Variants in ZFR2 observed in about 807,000 individuals in gnomAD.
ZFR2 encodes zinc finger RNA-binding protein 2.
Under a neutral mutation model 105.7 loss-of-function variants are expected in ZFR2, and 104 were observed. That is an observed-to-expected ratio of 0.98 (90% CI 0.84 to 1.16). ZFR2 has a LOEUF of 1.16. Ranked by LOEUF, ZFR2 falls within the 50% of genes most tolerant of loss-of-function variation. ZFR2 has a pLI of 0.00. For missense variants in ZFR2, 1,425 were observed against 1,355.5 expected (o/e 1.05, Z -0.80); for synonymous variants, 634 against 597.7 (o/e 1.06, Z -0.89).
At chr19:3,815,672 C>A (rs1364356754) in intron 13 of ZFR2, among the ~76,000 whole-genome samples, 3 of 152,032 alleles carry the variant, frequency 2.0e-5, no homozygotes, top group Admixed American at 6.6e-5. Flanking sequence ...AAGCCTCGAA[C>A]TCTTGGGCTC....
rs777083916 is a variant in ZFR2 at position 3,823,413 on chromosome 19, A to G, written c.1214-10T>C. On this transcript the variant is annotated splice_polypyrimidine_tract_variant and intron_variant, in intron 7 of 18. Transcript: ENST00000262961. This position sits in a 1 kb window ranked among gnomAD's most constrained non-coding sequence, Gnocchi z 5.4. Reference sequence around the variant, plus strand: ...TGTGGCTCAGGAGGCCCTGAGGGGAAAAACCATGTCACTTATACCCTGTTC... The same window carrying G: ...TGTGGCTCAGGAGGCCCTGAGGGGAGAAACCATGTCACTTATACCCTGTTC... 89 of 1,596,848 alleles carry G rather than the reference A, an allele frequency of 5.6e-5. No individual in the cohort carries two copies. Among genetic ancestry groups the G allele is most frequent in the Admixed American group, 3.5e-5 (2 of 56,970 alleles).
rs1443204062 is a variant in ZFR2 at position 3,853,208 on chromosome 19, T to C, written c.53+15757A>G. On this transcript the variant is annotated intron_variant, in intron 1 of 18. Coordinates refer to ENST00000262961, the MANE Select transcript of ZFR2 (RefSeq NM_015174.2). ...CTCTGCAGATGGTCGGCAGCCAACATTGCTGCTTCTGCCAGGTCTCAGATG... is the reference window on the plus strand; with the variant it reads ...CTCTGCAGATGGTCGGCAGCCAACACTGCTGCTTCTGCCAGGTCTCAGATG... Among the ~76,000 whole-genome samples the C allele has an allele frequency of 2.6e-5, 4 of 152,264 alleles. 1 individual carries two copies. Among genetic ancestry groups the C allele is most frequent in the Admixed American group, 1.3e-4 (2 of 15,294 alleles).
intron 1 of ZFR2, among the ~76,000 whole-genome samples, chr19:3,861,915 GA>G (rs1363798410): frequency 6.6e-6 from 1 of 152,174 alleles, no homozygotes; most frequent in African/African-American, 2.4e-5. Context: ...AACAGAGTGA[GA>G]CCCTGTCTCA....
At chr19:3,832,003 G>T in intron 3 of ZFR2, 125 bp from the exon 4 acceptor site, 1 of 784,128 alleles carries the variant, frequency 1.3e-6, no homozygotes, top group Non-Finnish European at 1.8e-6. Flanking sequence ...AGAGGCCAGA[G>T]CCTTGGGCCA....
Position 3,822,063 on chromosome 19 carries a change from TC to T in ZFR2, c.1491+17del. On this transcript the variant is annotated intron_variant, in intron 9 of 18. Transcript: ENST00000262961. ...GCACAGCCCGGACGGGTGTCGGAGC[TC>T]CCCCTGCTGGACGCACCCGGTACTG... is the stretch of plus-strand genomic sequence containing the variant. The T allele has an allele frequency of 1.3e-6, 2 of 1,582,316 alleles. No homozygotes were observed. The highest frequency in any genetic ancestry group is 1.7e-6 in the Non-Finnish European group (2 of 1,166,008).
At chr19:3,833,261 A>AG (rs1178501688) in intron 3 of ZFR2, among the ~76,000 whole-genome samples, 23 of 135,368 alleles carry the variant, frequency 1.7e-4, no homozygotes, top group East Asian at 7.2e-4. Flanking sequence ...AAAAAAAAAA[A>AG]AAAAAGAAAA....
At chr19:3,867,306 G>GT (rs1056214030) in intron 1 of ZFR2, among the ~76,000 whole-genome samples, 8 of 150,990 alleles carry the variant, frequency 5.3e-5, no homozygotes, top group South Asian at 4.2e-4. Context: ...TCAACTGTTG[G>GT]GGGGGGAATC....
Position 3,811,427 on chromosome 19 carries a change from CG to C in ZFR2, c.2243-62del. 5 of 1,484,064 alleles carry C rather than the reference CG, an allele frequency of 3.4e-6. No individual in the cohort carries two copies. In the South Asian group the frequency reaches 6.1e-5, roughly 18 times the overall value. 91.9% of individuals were successfully genotyped at this position (1,484,064 alleles called of 1,614,324 possible). ...GTGCCTCGTCCCGCTCTGCTGCCGA[CG>C]GGGTGAGGGGCTCAGTTTGGGCCCC... is the stretch of plus-strand genomic sequence containing the variant. On this transcript the variant is annotated intron_variant, in intron 14 of 18. Coordinates refer to ENST00000262961, the MANE Select transcript of ZFR2 (RefSeq NM_015174.2).
chr19:3,846,711 C>G (rs1177870385), intron 1 of ZFR2, among the ~76,000 whole-genome samples: 1 of 152,174 alleles, frequency 6.6e-6, no homozygotes, highest in South Asian at 2.1e-4. Context: ...TAATTGTTTA[C>G]TTGTTTGAAA....
At chr19:3,807,811 C>T (rs1322693195) in intron 17 of ZFR2, among the ~76,000 whole-genome samples, 1 of 147,880 alleles carries the variant, frequency 6.8e-6, no homozygotes, top group East Asian at 2.0e-4. Flanking sequence ...CAAGCATGTC[C>T]ACGTGTGCCT....
intron 1 of ZFR2, among the ~76,000 whole-genome samples, chr19:3,843,187 TG>T (rs1250154604): frequency 6.7e-6 from 1 of 150,236 alleles, no homozygotes; most frequent in Non-Finnish European, 1.5e-5. Flanking sequence ...AGTGGATAAA[TG>T]GGCTGGGCGC....
chr19:3,831,978 G>A (rs1472146418), intron 3 of ZFR2, 100 bp from the exon 4 acceptor site: 2 of 1,048,406 alleles, frequency 1.9e-6, no homozygotes, highest in South Asian at 4.1e-5. Flanking sequence ...CACGCTAGAT[G>A]CTTAAGCCAG....
intron 17 of ZFR2, among the ~76,000 whole-genome samples, chr19:3,807,789 C>T (rs1350231722): frequency 2.1e-5 from 3 of 144,244 alleles, no homozygotes; most frequent in Non-Finnish European, 3.0e-5. Flanking sequence ...TATGCATGTG[C>T]GCCTGTGTGT....
Position 3,813,342 on chromosome 19 carries a change from C to T in ZFR2, c.2242+478G>A, listed in dbSNP as rs1270848090. Among the ~76,000 whole-genome samples, 7 of 152,210 alleles carry T rather than the reference C, an allele frequency of 4.6e-5. No homozygotes were observed. Among genetic ancestry groups the T allele is most frequent in the Admixed American group, 1.3e-4 (2 of 15,278 alleles). ...CCCTAGCCTGGCCCGGCCCCTCACC[C>T]ACCCTCCCAGGCCTGGCAGGTCTGG... is the stretch of plus-strand genomic sequence containing the variant. On this transcript the variant is annotated intron_variant, in intron 14 of 18. Transcript: ENST00000262961. The surrounding 1 kb of genome is among the most constrained non-coding windows in gnomAD (Gnocchi z 4.4).
Position 3,866,521 on chromosome 19 carries a change from G to A in ZFR2, c.53+2444C>T, listed in dbSNP as rs147205925. On this transcript the variant is annotated intron_variant, in intron 1 of 18. Coordinates refer to ENST00000262961, the MANE Select transcript of ZFR2 (RefSeq NM_015174.2). ...TAGCTGTGCTAAAATGTATAAGCAC[G>A]TTAATTCAAATCAATGACAGAAGCC... 7.4e-3 allele frequency among the ~76,000 whole-genome samples: 1,122 copies of A among 151,722 alleles called. 8 individuals carry two copies. The highest frequency in any genetic ancestry group is 0.013 in the Non-Finnish European group (868 of 67,952).
chr19:3,852,209 G>T (rs946921060), intron 1 of ZFR2: 2 of 514,086 alleles, frequency 3.9e-6, no homozygotes, highest in Admixed American at 7.1e-5. Flanking sequence ...TCAGCTGGGT[G>T]GCAATCCTGG....
chr19:3,808,227 G>A (rs760349511), intron 17 of ZFR2, among the ~76,000 whole-genome samples: 10 of 151,554 alleles, frequency 6.6e-5, no homozygotes, highest in South Asian at 2.1e-4. Flanking sequence ...GTGCGAGTGC[G>A]TGCGTGTGCC....
At chr19:3,868,666 C>A (rs905403783) in intron 1 of ZFR2, among the ~76,000 whole-genome samples, 1 of 151,956 alleles carries the variant, frequency 6.6e-6, no homozygotes, top group Non-Finnish European at 1.5e-5. Flanking sequence ...CCGCACAGGC[C>A]CAGGCCCAAA....
At chr19:3,825,837 C>A (rs546929760) in intron 6 of ZFR2, among the ~76,000 whole-genome samples, 101 of 152,250 alleles carry the variant, frequency 6.6e-4, no homozygotes, top group African/African-American at 2.4e-3. Context: ...ACGTTCTGCA[C>A]GCACGTGTGC....
Sources: allele counts gnomAD v4.1 joint callset (sites outside exome capture counted in the v4.1 genomes callset), GRCh38; gene constraint gnomAD v4.1.1; non-coding constraint Gnocchi (gnomAD v3.1); transcripts MANE v1.5; gene names NCBI Gene and HGNC (gene_info 2026-07-23, HGNC 2026-07-21).